The following RNF11 variants were observed in gnomAD, a reference collection of about 807,000 sequenced individuals.
RNF11 encodes ring finger protein 11.
A neutral mutation model predicts 15.8 loss-of-function variants in RNF11; 4 were observed. That is an observed-to-expected ratio of 0.25 (90% CI 0.12 to 0.58). The LOEUF is 0.58. RNF11 is among the 20% of genes least tolerant of loss of function. The pLI, the probability that RNF11 is intolerant of heterozygous loss-of-function variation, is 0.91. For synonymous variants in RNF11, 68 were observed against 72.3 expected (o/e 0.94, Z 0.30); for missense variants, 139 against 194.4 (o/e 0.71, Z 1.70).
intron 1 of RNF11, among the ~76,000 whole-genome samples, chr1:51,262,035 A>T (rs1288282473): frequency 6.6e-6 from 1 of 152,062 alleles, no homozygotes; most frequent in African/African-American, 2.4e-5. Flanking sequence ...TTTCTGTTTT[A>T]GTAGAGATGG....
chr1:51,272,751 G>T lies in RNF11; in HGVS notation c.*1429G>T, dbSNP rs1311330053. On this transcript the variant is annotated 3_prime_UTR_variant, in exon 3 of 3. Transcript: ENST00000242719. ...ATCATTCATTAGCAAAAGGAAAAGT[G>T]GTCTCAACCTAACATCAGAAGTGTT... The T allele has an allele frequency of 1.3e-5, 2 of 152,056 alleles. No homozygotes were observed. The highest frequency in any genetic ancestry group is 4.8e-5 in the African/African-American group (2 of 41,424). 9.4% of individuals were successfully genotyped at this position (152,056 alleles called of 1,614,324 possible). A position where few individuals can be genotyped will look rare whatever the true frequency, so the allele number is the denominator to read the frequency against.
At chr1:51,265,750 T>TGTC (rs373998202) in intron 1 of RNF11, among the ~76,000 whole-genome samples, 18 of 152,168 alleles carry the variant, frequency 1.2e-4, no homozygotes, top group African/African-American at 3.9e-4. Context: ...AAGGATGAGA[T>TGTC]GTCTATCTCC....
chr1:51,250,449 G>T (rs1473344672), intron 1 of RNF11, among the ~76,000 whole-genome samples: 2 of 152,202 alleles, frequency 1.3e-5, no homozygotes, highest in Non-Finnish European at 2.9e-5. Context: ...TAGAAATGCA[G>T]TTGACCTTTG....
rs59848673 is a variant in RNF11 at position 51,254,218 on chromosome 1, A to T, written c.124-15738A>T. ...TTGATTAGGTTATAGTTTTTTTTTT[A>T]AATCAAAGAATAAAACATGGTCTCC... On this transcript the variant is annotated intron_variant, in intron 1 of 2. Transcript: ENST00000242719. Among the ~76,000 whole-genome samples the T allele has an allele frequency of 4.1e-3, 624 of 150,630 alleles. 5 individuals carry two copies. Among genetic ancestry groups the T allele is most frequent in the African/African-American group, 0.015 (588 of 40,242 alleles).
At chr1:51,237,344 C>T (rs941443048) in intron 1 of RNF11, among the ~76,000 whole-genome samples, 6 of 151,078 alleles carry the variant, frequency 4.0e-5, no homozygotes, top group Non-Finnish European at 8.8e-5. Flanking sequence ...TTGGATCTGG[C>T]AGGTTTTCCC....
intron 1 of RNF11, among the ~76,000 whole-genome samples, chr1:51,237,707 C>T (rs1233749830): frequency 6.6e-6 from 1 of 152,064 alleles, no homozygotes; most frequent in Non-Finnish European, 1.5e-5. Context: ...ACCTCTTAAA[C>T]TCAAAATAGG....
At chr1:51,260,987 CAT>C (rs1267709781) in intron 1 of RNF11, among the ~76,000 whole-genome samples, 2 of 152,152 alleles carry the variant, frequency 1.3e-5, no homozygotes, top group African/African-American at 4.8e-5. Context: ...TTCACATGCA[CAT>C]GAGAATCGAA....
At position 51,272,302 on chromosome 1, in the gene RNF11, G is replaced by A. The variant is rs1238881550; in HGVS notation, c.*980G>A. The A allele has an allele frequency of 6.6e-6, 1 of 152,554 alleles. No homozygotes were observed. The highest frequency in any genetic ancestry group is 6.6e-5 in the Admixed American group (1 of 15,266). The allele number at this position is 152,554 out of a possible 1,614,324, so 9.5% of individuals were successfully genotyped here. Reference sequence around the variant, plus strand: ...CTTTCTTCTGACCTCCTTGCCTCTTGTCTTGAACCATAGCAAAAGGATACT... The same window carrying A: ...CTTTCTTCTGACCTCCTTGCCTCTTATCTTGAACCATAGCAAAAGGATACT... On this transcript the variant is annotated 3_prime_UTR_variant, in exon 3 of 3. Coordinates refer to ENST00000242719, the MANE Select transcript of RNF11 (RefSeq NM_014372.5).
intron 1 of RNF11, among the ~76,000 whole-genome samples, chr1:51,239,030 T>C (rs1646817519): frequency 6.6e-6 from 1 of 152,094 alleles, no homozygotes; most frequent in African/African-American, 2.4e-5. Flanking sequence ...GCATCTGGCA[T>C]GAAGTTTTTA....
At chr1:51,254,692 G>A (rs1646896371) in intron 1 of RNF11, among the ~76,000 whole-genome samples, 1 of 152,102 alleles carries the variant, frequency 6.6e-6, no homozygotes, top group African/African-American at 2.4e-5. Context: ...CGAACTCCCA[G>A]ACTCAAGTGA....
intron 1 of RNF11, 76 bp from the exon 2 acceptor site, chr1:51,269,880 C>G: frequency 7.6e-7 from 1 of 1,309,778 alleles, no homozygotes; most frequent in South Asian, 1.3e-5. Flanking sequence ...CCTTTCCCTT[C>G]TATCTCTGAC....
chr1:51,258,533 TAATGAGACTTCTTTAAAATGA>T (rs1434156631), intron 1 of RNF11, among the ~76,000 whole-genome samples: 1 of 152,222 alleles, frequency 6.6e-6, no homozygotes, highest in Admixed American at 6.5e-5. Context: ...ATACTTGAAG[TAATGAGACTTCTTTAAAATGA>T]AATGGGTCTT....
At chr1:51,267,951 G>A (rs756732058) in intron 1 of RNF11, among the ~76,000 whole-genome samples, 2 of 152,124 alleles carry the variant, frequency 1.3e-5, no homozygotes, top group African/African-American at 4.8e-5. Flanking sequence ...GGCTGGTCTC[G>A]AACTCCTGAC....
At position 51,257,220 on chromosome 1, in the gene RNF11, A is replaced by G. The variant is rs183822298; in HGVS notation, c.124-12736A>G. On this transcript the variant is annotated intron_variant, in intron 1 of 2. Coordinates refer to ENST00000242719, the MANE Select transcript of RNF11 (RefSeq NM_014372.5). ...TCCCCAGGTAGGTTAAGCTCTGGTA[A>G]AAGTTTCTCCCAGAACTTTATATTA... 8.3e-4 allele frequency among the ~76,000 whole-genome samples: 126 copies of G among 152,246 alleles called. 1 individual carries two copies. The highest frequency in any genetic ancestry group is 3.0e-3 in the African/African-American group (123 of 41,540).
At chr1:51,246,706 T>A (rs1262224809) in intron 1 of RNF11, among the ~76,000 whole-genome samples, 1 of 152,158 alleles carries the variant, frequency 6.6e-6, no homozygotes, top group Admixed American at 6.5e-5. Flanking sequence ...AGAAAATATT[T>A]AGGCTGTAAG....
At chr1:51,265,846 T>TA in intron 1 of RNF11, 1 of 127,134 alleles carries the variant, frequency 7.9e-6, no homozygotes, top group African/African-American at 2.8e-5. Context: ...GCTTATTCCT[T>TA]ACAATACTTT....
chr1:51,249,279 G>A (rs763644712), intron 1 of RNF11, among the ~76,000 whole-genome samples: 8 of 152,130 alleles, frequency 5.3e-5, no homozygotes, highest in Non-Finnish European at 4.4e-5. Flanking sequence ...TTGATTGGTC[G>A]ATTGATTGAG....
intron 1 of RNF11, among the ~76,000 whole-genome samples, chr1:51,266,951 C>CA (rs1646957363): frequency 6.6e-6 from 1 of 152,196 alleles, no homozygotes; most frequent in South Asian, 2.1e-4. Flanking sequence ...CTGCCCTTAT[C>CA]AGACTACCCA....
chr1:51,252,027 A>C (rs1646880273), intron 1 of RNF11, among the ~76,000 whole-genome samples: 2 of 150,150 alleles, frequency 1.3e-5, no homozygotes, highest in African/African-American at 2.5e-5. Flanking sequence ...CAGTGAGCCA[A>C]GATCATGCCA....
Sources: gnomAD v4.1 joint callset for allele counts (sites outside exome capture counted in the v4.1 genomes callset) on GRCh38, gnomAD v4.1.1 for gene constraint, MANE v1.5 for transcripts, NCBI Gene and HGNC (gene_info 2026-07-23, HGNC 2026-07-21) for gene names.